The following PRDM5 variants were observed in gnomAD, a reference collection of about 807,000 sequenced individuals.
The protein encoded by PRDM5 is PR domain zinc finger protein 5.
PRDM5 carries 56 observed loss-of-function variants against 81.2 expected under a neutral mutation model. The observed-to-expected ratio is 0.69, with a 90% CI of 0.56 to 0.86. The LOEUF (loss-of-function observed/expected upper bound fraction) is 0.86, where lower values mean the gene tolerates loss of function less well. PRDM5 is among the 40% of genes least tolerant of loss of function. PRDM5 has a pLI of 0.00. For synonymous variants in PRDM5, 267 were observed against 256.4 expected, an observed-to-expected ratio of 1.04 and a Z score of -0.39; for missense variants, 697 against 770.1, an observed-to-expected ratio of 0.91 and a Z score of 1.12.
chr4:120,691,786 A>T (rs1383118718), downstream of PRDM5: 1 of 152,064 alleles, frequency 6.6e-6, no homozygotes, highest in Non-Finnish European at 1.5e-5. Context: ...GTATAAAAGC[A>T]TGAGGTCTGG....
chr4:120,828,321 T>G (rs905053064), intron 3 of PRDM5, among the ~76,000 whole-genome samples: 1 of 152,094 alleles, frequency 6.6e-6, no homozygotes, highest in Non-Finnish European at 1.5e-5. Flanking sequence ...CATCAAGGTC[T>G]GTCTCCAATA....
intron 2 of PRDM5, among the ~76,000 whole-genome samples, chr4:120,901,278 G>A (rs1765194982): frequency 6.6e-6 from 1 of 152,088 alleles, no homozygotes; most frequent in South Asian, 2.1e-4. Flanking sequence ...TATTTATCCA[G>A]TCCACAAAAT....
At chr4:120,710,840 C>T (rs1736862146) in intron 14 of PRDM5, among the ~76,000 whole-genome samples, 1 of 152,182 alleles carries the variant, frequency 6.6e-6, no homozygotes, top group Admixed American at 6.5e-5. Flanking sequence ...TCAATTAAAC[C>T]TCTTTCCTGT....
intron 1 of PRDM5, among the ~76,000 whole-genome samples, chr4:120,908,915 A>G (rs2148685038): frequency 6.6e-6 from 1 of 152,316 alleles, no homozygotes. Flanking sequence ...ACACTTAAAC[A>G]CAACAGCCCC....
intron 11 of PRDM5, among the ~76,000 whole-genome samples, chr4:120,783,439 A>G (rs980149613): frequency 3.9e-5 from 6 of 152,104 alleles, no homozygotes; most frequent in African/African-American, 1.4e-4. Context: ...ATGAGAACAA[A>G]AAAACTGAAA....
intron 14 of PRDM5, among the ~76,000 whole-genome samples, chr4:120,753,427 A>G (rs1403533221): frequency 2.0e-5 from 3 of 152,164 alleles, no homozygotes; most frequent in Non-Finnish European, 4.4e-5. Context: ...TACAAACTAG[A>G]GTGAGAAACC....
At chr4:120,732,471 TAAC>T (rs1423283424) in intron 14 of PRDM5, among the ~76,000 whole-genome samples, 2 of 152,120 alleles carry the variant, frequency 1.3e-5, no homozygotes, top group African/African-American at 4.8e-5. Context: ...CCAATAGTAA[TAAC>T]AATATAAATT....
At chr4:120,830,432 G>A (rs1191744532) in intron 3 of PRDM5, among the ~76,000 whole-genome samples, 1 of 152,108 alleles carries the variant, frequency 6.6e-6, no homozygotes, top group East Asian at 1.9e-4. Context: ...GTGGAGCCAA[G>A]CTGTGGACAG....
At chr4:120,698,484 T>C (rs1460850961) in intron 15 of PRDM5, among the ~76,000 whole-genome samples, 1 of 152,202 alleles carries the variant, frequency 6.6e-6, no homozygotes, top group Non-Finnish European at 1.5e-5. Flanking sequence ...CTCCATTCAC[T>C]AGGTATTTTC....
chr4:120,855,740 T>G (rs539391574), intron 2 of PRDM5, among the ~76,000 whole-genome samples: 1 of 152,208 alleles, frequency 6.6e-6, no homozygotes, highest in Non-Finnish European at 1.5e-5. Flanking sequence ...CACCTAATAC[T>G]TGAAAGAAAA....
At chr4:120,863,191 TACACACACACACACACACACACACAC>T (rs370387683) in intron 2 of PRDM5, among the ~76,000 whole-genome samples, 948 of 70,348 alleles carry the variant, frequency 0.013, 26 homozygotes, top group African/African-American at 0.047. Flanking sequence ...TATATATATA[TACACACACACACACACACACACACAC>T]ACACACACAT....
intron 14 of PRDM5, among the ~76,000 whole-genome samples, chr4:120,737,680 AG>A (rs1324400799): frequency 6.6e-6 from 1 of 152,182 alleles, no homozygotes; most frequent in Non-Finnish European, 1.5e-5. Flanking sequence ...TCAAGTCTTT[AG>A]TGAGAAGGAA....
intron 12 of PRDM5, 36 bp downstream of exon 12, chr4:120,781,107 G>A (rs1389784561): frequency 7.6e-6 from 12 of 1,576,532 alleles, no homozygotes; most frequent in Admixed American, 1.7e-5. Context: ...GCTTAAACAC[G>A]TAATCTGTTC....
intron 14 of PRDM5, among the ~76,000 whole-genome samples, chr4:120,715,681 T>C (rs2149042459): frequency 6.6e-6 from 1 of 152,278 alleles, no homozygotes; most frequent in African/African-American, 2.4e-5. Flanking sequence ...ACAAAGACAT[T>C]ATTATGAAGT....
chr4:120,740,646 T>C (rs990530232), intron 14 of PRDM5, among the ~76,000 whole-genome samples: 2 of 152,322 alleles, frequency 1.3e-5, no homozygotes, highest in African/African-American at 2.4e-5. Context: ...TATATGTGCC[T>C]GACTCTCAGA....
At chr4:120,689,603 T>C (rs532809100), downstream of PRDM5, among the ~76,000 whole-genome samples, 160 of 105,888 alleles carry the variant, frequency 1.5e-3, 1 homozygote, top group African/African-American at 4.2e-3. Context: ...CAAAATTCTT[T>C]TTTTTTTTTT....
chr4:120,690,134 TG>T (rs1421567177), downstream of PRDM5, among the ~76,000 whole-genome samples: 22 of 152,182 alleles, frequency 1.4e-4, no homozygotes, highest in Middle Eastern at 3.2e-3. Context: ...GTTCTTCAGA[TG>T]CTAATAATTA....
intron 2 of PRDM5, among the ~76,000 whole-genome samples, chr4:120,856,942 C>A (rs1759941647): frequency 6.6e-6 from 1 of 152,186 alleles, no homozygotes; most frequent in Admixed American, 6.5e-5. Context: ...GGATCATCTT[C>A]TGCATACCTG....
intron 2 of PRDM5, among the ~76,000 whole-genome samples, chr4:120,875,073 T>C (rs1762208767): frequency 6.6e-6 from 1 of 152,150 alleles, no homozygotes; most frequent in Non-Finnish European, 1.5e-5. Context: ...TCCCCACCTG[T>C]GGTGATGTCA....
Sources: gnomAD v4.1 joint callset for allele counts (sites outside exome capture counted in the v4.1 genomes callset) on GRCh38, gnomAD v4.1.1 for gene constraint, MANE v1.5 for transcripts, NCBI Gene and HGNC (gene_info 2026-07-23, HGNC 2026-07-21) for gene names.